The following SLC5A10 variants were observed in gnomAD, a reference collection of about 807,000 sequenced individuals.
The protein encoded by SLC5A10 is sodium/mannose cotransporter SLC5A10.
SLC5A10 carries 55 observed loss-of-function variants against 68.9 expected under a neutral mutation model. The ratio of observed to expected loss-of-function variants is 0.80; its 90% confidence interval spans 0.64 to 1.00. SLC5A10 has a LOEUF of 1.00. SLC5A10 is among the 50% of genes least tolerant of loss of function. The probability of loss-of-function intolerance (pLI) is 0.00; values close to 1 mark genes in which losing one functional copy is unlikely to be tolerated. For missense variants in SLC5A10, 732 were observed against 819.3 expected (o/e 0.89, Z 1.30); for synonymous variants, 344 against 344.8 (o/e 1.00, Z 0.02).
intron 9 of SLC5A10, among the ~76,000 whole-genome samples, chr17:18,989,302 T>A (rs2043350560): frequency 6.6e-6 from 1 of 152,118 alleles, no homozygotes; most frequent in South Asian, 2.1e-4. Context: ...CCCTGACTTG[T>A]CAGAGAGCAC....
At chr17:19,010,789 C>T (rs1018055262) in intron 9 of SLC5A10, among the ~76,000 whole-genome samples, 2 of 152,218 alleles carry the variant, frequency 1.3e-5, no homozygotes, top group Non-Finnish European at 2.9e-5. Flanking sequence ...ACCCCAGTGT[C>T]CTCAGAGTTC....
rs995554828 is a variant in SLC5A10, at chr17:18,971,873, A to G, written c.846+655A>G. 13 of 1,024,720 alleles carry G rather than the reference A, an allele frequency of 1.3e-5. No homozygotes were observed. The African/African-American group carries it at 2.1e-4, about 17-fold the overall frequency. The allele number at this position is 1,024,720 out of a possible 1,614,324, so 63.5% of individuals were successfully genotyped here. ...TCGCCTCCTGGCTCTGCCATTCACCAGGGAGTGGGCCTAGACCAGTTGGTT... is the reference window on the plus strand; with the variant it reads ...TCGCCTCCTGGCTCTGCCATTCACCGGGGAGTGGGCCTAGACCAGTTGGTT... On this transcript the variant is annotated intron_variant, in intron 8 of 14. Transcript: ENST00000395645. The surrounding 1 kb of genome is among the most constrained non-coding windows in gnomAD (Gnocchi z 5.5).
chr17:19,020,418 C>T lies in SLC5A10; in HGVS notation c.1778C>T (p.Ala593Val), dbSNP rs760427665. 5 of 1,613,614 alleles carry T rather than the reference C, an allele frequency of 3.1e-6. No homozygotes were observed. Among genetic ancestry groups the T allele is most frequent in the African/African-American group, 2.7e-5 (2 of 74,898 alleles). Residue 593 changes from alanine (A) to valine (V), a missense_variant, in exon 15 of 15, where the codon GCC becomes GTC. Ala to Val is a moderately conservative substitution (Grantham distance 64, BLOSUM62 0). Transcript: ENST00000395645. Reference protein sequence around the residue: ...LLMCVNIFFYAYFA With the variant: ...LLMCVNIFFYVYFA ...ATGTGTGTCAACATATTCTTTTATG[C>T]CTACTTCGCCTGACACTGCCATCCT...
rs745918115 is a variant in SLC5A10, at chr17:19,019,820, C to G, written c.1518C>G (p.Ala506=). The change falls in exon 13 of 15, where the codon GCC becomes GCG. Residue 506 remains alanine, a synonymous_variant. Coordinates refer to ENST00000395645, the MANE Select transcript of SLC5A10 (RefSeq NM_001042450.4). The part of the protein sequence containing the change: ...PPCGEPDTRP[A]VLGSIHYLHF... ...GCGGAGAGCCAGACACGCGGCCAGC[C>G]GTCCTGGGGAGCATCCACTACCTGC... 9.3e-6 allele frequency: 15 copies of G among 1,613,560 alleles called. No individual in the cohort carries two copies. The highest frequency in any genetic ancestry group is 1.3e-5 in the African/African-American group (1 of 75,062).
rs1432945902 is a variant in SLC5A10, at chr17:18,968,716, C to T, written c.454-336C>T. On this transcript the variant is annotated intron_variant, in intron 5 of 14. Transcript: ENST00000395645. This position sits in a 1 kb window ranked among gnomAD's most constrained non-coding sequence, Gnocchi z 4.1. ...ACTCCTCACAAACTCATCAAGGTGC[C>T]CCTGGGAACCGAGGGGACAGGGCTC... The T allele has an allele frequency of 6.9e-6, 2 of 290,112 alleles. No individual in the cohort carries two copies. Among genetic ancestry groups the T allele is most frequent in the Non-Finnish European group, 1.3e-5 (2 of 155,198 alleles). 18.0% of individuals were successfully genotyped at this position (290,112 alleles called of 1,614,324 possible).
chr17:19,019,714 G>A lies in SLC5A10; in HGVS notation c.1412G>A (p.Gly471Glu), dbSNP rs61741107. 11,439 of 1,609,242 alleles carry A rather than the reference G, an allele frequency of 7.1e-3. 62 individuals carry two copies. The highest frequency in any genetic ancestry group is 8.4e-3 in the Non-Finnish European group (9,858 of 1,179,304). ...GVFWRRANEQ[G>E]AFWGLIAGLV... ...ATGCCCTGCCTCCCTCCTCCCCAGG[G>A]GGCCTTCTGGGGCCTGATAGCAGGG... The change falls in exon 13 of 15, where the codon GGG (glycine) becomes GAG (glutamate). Residue 471 changes from glycine to glutamate, a missense_variant and splice_region_variant. Physicochemically the swap from Gly to Glu is moderately conservative, Grantham distance 98 (BLOSUM62 -2). Coordinates refer to ENST00000395645, the MANE Select transcript of SLC5A10 (RefSeq NM_001042450.4).
intron 1 of SLC5A10, among the ~76,000 whole-genome samples, chr17:18,957,411 A>G (rs1476760822): frequency 6.6e-6 from 1 of 152,202 alleles, no homozygotes; most frequent in Non-Finnish European, 1.5e-5. Context: ...TTTTTATAAA[A>G]GTTGAGATAA....
intron 8 of SLC5A10, 104 bp from the exon 9 acceptor site, chr17:18,976,750 A>C (rs1597844991): frequency 6.3e-6 from 9 of 1,439,086 alleles, no homozygotes; most frequent in South Asian, 5.3e-5. Context: ...GGCTAATGGG[A>C]CATCATCGTG....
intron 8 of SLC5A10, among the ~76,000 whole-genome samples, chr17:18,972,619 T>C (rs1047635480): frequency 6.6e-6 from 1 of 151,958 alleles, no homozygotes; most frequent in Non-Finnish European, 1.5e-5. Flanking sequence ...TCCCAGCACT[T>C]TGGGAGGCTG....
chr17:18,987,670 C>T (rs1299275260), intron 9 of SLC5A10, among the ~76,000 whole-genome samples: 5 of 152,336 alleles, frequency 3.3e-5, no homozygotes, highest in Middle Eastern at 3.4e-3. Flanking sequence ...TCCATGGTTT[C>T]CCCCACCCCA....
At position 19,015,714 on chromosome 17, in the gene SLC5A10, G is replaced by A. The variant is rs114882617; in HGVS notation, c.1241+515G>A. Among the ~76,000 whole-genome samples the A allele has an allele frequency of 2.5e-3, 384 of 152,146 alleles. 2 individuals are homozygous for A. The highest frequency in any genetic ancestry group is 7.5e-3 in the African/African-American group (311 of 41,512). On this transcript the variant is annotated intron_variant, in intron 11 of 14. Transcript: ENST00000395645. ...GGACTCTGCCTGTGTCCCCTCCTCC[G>A]TGCAGTCCTCCCTGAGACCCTCAAC... is the stretch of plus-strand genomic sequence containing the variant.
chr17:19,017,436 C>T lies in SLC5A10; in HGVS notation c.1242-1987C>T, dbSNP rs1402674450. 6.5e-6 allele frequency: 10 copies of T among 1,527,678 alleles called. No individual in the cohort carries two copies. The highest frequency in any genetic ancestry group is 1.2e-5 in the South Asian group (1 of 83,550). 94.6% of individuals were successfully genotyped at this position (1,527,678 alleles called of 1,614,324 possible). The stretch of plus-strand genomic sequence containing the variant: ...GACAACAGTCTCTGTCAGGGAGAGG[C>T]GAGGCTTACAGAGAGAAGACCAACA... On this transcript the variant is annotated intron_variant, in intron 11 of 14. Coordinates refer to ENST00000395645, the MANE Select transcript of SLC5A10 (RefSeq NM_001042450.4). This position sits in a 1 kb window ranked among gnomAD's most constrained non-coding sequence, Gnocchi z 5.6.
rs192026288 is a variant in SLC5A10, at chr17:18,983,609, C to T, written c.982+6620C>T. Reference sequence around the variant, plus strand: ...GGCCTAGTGTGAGGAATGCAAGGAACAGAGCCCAACATAGCAGCAGGAGCC... The same window carrying T: ...GGCCTAGTGTGAGGAATGCAAGGAATAGAGCCCAACATAGCAGCAGGAGCC... On this transcript the variant is annotated intron_variant, in intron 9 of 14. Transcript: ENST00000395645. Among the ~76,000 whole-genome samples the T allele has an allele frequency of 1.2e-4, 18 of 152,322 alleles. 1 individual carries two copies. The East Asian group carries it at 2.5e-3, about 21-fold the overall frequency.
chr17:18,985,419 C>A (rs749011701), intron 9 of SLC5A10, among the ~76,000 whole-genome samples: 2 of 152,182 alleles, frequency 1.3e-5, no homozygotes, highest in Non-Finnish European at 2.9e-5. Flanking sequence ...AAAGGATGAC[C>A]CTACCAGAAA....
At chr17:19,014,676 C>T (rs1458329109) in intron 10 of SLC5A10, among the ~76,000 whole-genome samples, 4 of 152,200 alleles carry the variant, frequency 2.6e-5, no homozygotes, top group African/African-American at 7.2e-5. Context: ...ATCTGTCAAG[C>T]GGGTTAATCA....
In SLC5A10 at chr17:19,019,749, G is replaced by C. The variant is rs764402149; in HGVS notation, c.1447G>C (p.Gly483Arg). The C allele has an allele frequency of 9.3e-6, 15 of 1,612,094 alleles. No homozygotes were observed. The highest frequency in any genetic ancestry group is 1.7e-5 in the Admixed American group (1 of 59,936). The part of the protein sequence containing the change: ...FWGLIAGLVV[G>R]ATRLVLEFLN... The stretch of plus-strand genomic sequence containing the variant: ...GGGCCTGATAGCAGGGCTGGTGGTG[G>C]GGGCCACGAGGCTGGTCCTGGAATT... Residue 483 changes from glycine to arginine, a missense_variant, in exon 13 of 15, where the codon GGG (glycine) becomes CGG (arginine). Coordinates refer to ENST00000395645, the MANE Select transcript of SLC5A10 (RefSeq NM_001042450.4).
rs139695500 is a variant in SLC5A10 at position 18,981,612 on chromosome 17, G to T, written c.982+4623G>T. Among the ~76,000 whole-genome samples the T allele has an allele frequency of 4.2e-3, 643 of 152,304 alleles. 11 individuals carry two copies. Among genetic ancestry groups the T allele is most frequent in the Admixed American group, 0.036 (551 of 15,308 alleles). On this transcript the variant is annotated intron_variant, in intron 9 of 14. Transcript: ENST00000395645. ...TCCTTTCCGTGTCCCAGACCCCTGT[G>T]GCTGGGGTGGCCCCAGGCAAGCAAC...
Position 19,017,616 on chromosome 17 carries a change from C to T in SLC5A10, c.1242-1807C>T. On this transcript the variant is annotated intron_variant, in intron 11 of 14. Transcript: ENST00000395645. This position sits in a 1 kb window ranked among gnomAD's most constrained non-coding sequence, Gnocchi z 5.6. ...CCCACTCCCGTATGCCTGCCCCAAG[C>T]CCCCACACCTCAGTCCACTGTTCCG... is the stretch of plus-strand genomic sequence containing the variant. 1.9e-6 allele frequency: 1 copy of T among 536,826 alleles called. No homozygotes were observed. Among genetic ancestry groups the T allele is most frequent in the Non-Finnish European group, 3.4e-6 (1 of 296,552 alleles). 33.3% of individuals were successfully genotyped at this position (536,826 alleles called of 1,614,324 possible).
At position 18,996,972 on chromosome 17, in the gene SLC5A10, G is replaced by A. The variant is rs1376795882; in HGVS notation, c.983-16438G>A. ...GGGTCACTTCCCACTCTAAGCCTCA[G>A]CTTCTCTTCTTGGTAACATGGGGAG... On this transcript the variant is annotated intron_variant, in intron 9 of 14. Coordinates refer to ENST00000395645, the MANE Select transcript of SLC5A10 (RefSeq NM_001042450.4). The surrounding 1 kb of genome is among the most constrained non-coding windows in gnomAD (Gnocchi z 4.4). Among the ~76,000 whole-genome samples the A allele has an allele frequency of 1.3e-5, 2 of 152,242 alleles. No individual in the cohort carries two copies. The highest frequency in any genetic ancestry group is 4.8e-5 in the African/African-American group (2 of 41,464).
Sources: allele counts gnomAD v4.1 joint callset (sites outside exome capture counted in the v4.1 genomes callset), GRCh38; gene constraint gnomAD v4.1.1; non-coding constraint Gnocchi (gnomAD v3.1); transcripts MANE v1.5; gene names NCBI Gene and HGNC (gene_info 2026-07-23, HGNC 2026-07-21).